GPR37L1: variants seen among roughly 807,000 people sequenced by gnomAD.
The protein encoded by GPR37L1 is G protein-coupled receptor 37-like 1.
Under a neutral mutation model 18.0 loss-of-function variants are expected in GPR37L1, and 18 were observed. That is an observed-to-expected ratio of 1.00 (90% confidence interval 0.69 to 1.49). The LOEUF is 1.49. Among genes scored for constraint, GPR37L1 ranks in the 40% most tolerant of loss-of-function variants. The pLI is 0.00. For missense variants in GPR37L1, 558 were observed against 615.1 expected (o/e 0.91, Z 0.98); for synonymous variants, 256 against 273.9 (o/e 0.93, Z 0.65).
chr1:202,127,954 A>C lies in GPR37L1; in HGVS notation c.844A>C (p.Thr282Pro), dbSNP rs779249097. Reference protein sequence around the residue: ...LAQEPAPTMGTLDSCIMKPSA... With the variant: ...LAQEPAPTMGPLDSCIMKPSA... ...ACAGGAGCCTGCCCCCACCATGGGC[A>C]CCCTGGACTCATGCATCATGAAACC... Residue 282 changes from threonine to proline, a missense_variant, in exon 2 of 2, where the codon ACC becomes CCC. Thr to Pro is a conservative substitution (Grantham distance 38). Transcript: ENST00000367282. 2.5e-6 allele frequency: 4 copies of C among 1,613,910 alleles called. No individual in the cohort carries two copies. The highest frequency in any genetic ancestry group is 3.4e-6 in the Non-Finnish European group (4 of 1,179,926).
intron 1 of GPR37L1, among the ~76,000 whole-genome samples, chr1:202,127,421 C>CGGAGGATGG (rs2147805782): frequency 6.6e-6 from 1 of 152,096 alleles, no homozygotes; most frequent in South Asian, 2.1e-4. Flanking sequence ...CTCAAGCCAT[C>CGGAGGATGG]CTCCTACCTA....
At position 202,132,412 on chromosome 1, in the gene GPR37L1, G is replaced by A. The variant is rs1420192026; in HGVS notation, c.*3856G>A. The A allele has an allele frequency of 6.6e-6, 1 of 152,300 alleles. No individual in the cohort carries two copies. The highest frequency in any genetic ancestry group is 1.9e-4 in the East Asian group (1 of 5,196). The allele number at this position is 152,300 out of a possible 1,614,324, so 9.4% of individuals were successfully genotyped here. A position where few individuals can be genotyped will look rare whatever the true frequency, so the allele number is the denominator to read the frequency against. On this transcript the variant is annotated 3_prime_UTR_variant, in exon 2 of 2. Coordinates refer to ENST00000367282, the MANE Select transcript of GPR37L1 (RefSeq NM_004767.5). ...CATTCTTTCCTCCAACTCTCTGGCA[G>A]TGGGGAACTGCCTCTCCAGGCAGGG...
intron 1 of GPR37L1, among the ~76,000 whole-genome samples, chr1:202,124,708 C>T (rs1306506657): frequency 2.6e-5 from 4 of 152,164 alleles, no homozygotes; most frequent in African/African-American, 9.7e-5. Flanking sequence ...ATCAGCATTA[C>T]GGACACAGGT....
chr1:202,123,263 G>A lies in GPR37L1; in HGVS notation c.300G>A (p.Gln100=), dbSNP rs753878129. The A allele has an allele frequency of 1.2e-6, 2 of 1,613,968 alleles. No homozygotes were observed. The highest frequency in any genetic ancestry group is 1.7e-6 in the Non-Finnish European group (2 of 1,179,942). The change falls in exon 1 of 2, where the codon CAG becomes CAA. Residue 100 remains glutamine, a synonymous_variant. Coordinates refer to ENST00000367282, the MANE Select transcript of GPR37L1 (RefSeq NM_004767.5). The stretch of plus-strand genomic sequence containing the variant: ...ATGGGGGCACCCCAGACAGTGGGCA[G>A]GAACTGAGGGGCAATCTGACAGGAG... ...GKDGGTPDSG[Q]ELRGNLTGAP...
intron 1 of GPR37L1, among the ~76,000 whole-genome samples, chr1:202,123,855 C>T (rs1197189619): frequency 2.6e-5 from 4 of 152,148 alleles, no homozygotes; most frequent in Non-Finnish European, 5.9e-5. Context: ...TCTTCTGCTT[C>T]GGGAGCAACC....
intron 1 of GPR37L1, among the ~76,000 whole-genome samples, 174 bp from the exon 2 acceptor site, chr1:202,127,567 C>T (rs577279175): frequency 2.6e-5 from 4 of 152,260 alleles, no homozygotes; most frequent in East Asian, 1.9e-4. Context: ...CTGCCTGCCT[C>T]GGCCTCTCAA....
At chr1:202,125,294 C>T (rs1013778338) in intron 1 of GPR37L1, among the ~76,000 whole-genome samples, 5 of 151,746 alleles carry the variant, frequency 3.3e-5, no homozygotes, top group African/African-American at 1.2e-4. Flanking sequence ...AGATTAGAAA[C>T]TGGGCTTTTC....
Position 202,128,561 on chromosome 1 carries a change from C to A in GPR37L1, c.*5C>A. ...CCCCTGGGCACACCTTGCTGAGGCC[C>A]CAGTAGGGGTGGGGAGGGAGGGAGA... On this transcript the variant is annotated 3_prime_UTR_variant, in exon 2 of 2. Transcript: ENST00000367282. The A allele has an allele frequency of 6.6e-7, 1 of 1,520,154 alleles. No individual in the cohort carries two copies. The highest frequency in any genetic ancestry group is 8.9e-7 in the Non-Finnish European group (1 of 1,122,290). The allele number at this position is 1,520,154 out of a possible 1,614,324, so 94.2% of individuals were successfully genotyped here.
chr1:202,124,559 C>T (rs1252600384), intron 1 of GPR37L1, among the ~76,000 whole-genome samples: 2 of 152,332 alleles, frequency 1.3e-5, no homozygotes, highest in East Asian at 3.9e-4. Context: ...CTCTGTAAGA[C>T]AAAATAAGCA....
At chr1:202,126,405 GA>G (rs768904643) in intron 1 of GPR37L1, among the ~76,000 whole-genome samples, 198 of 144,460 alleles carry the variant, frequency 1.4e-3, no homozygotes, top group South Asian at 3.9e-3. Flanking sequence ...GAGACTCTCG[GA>G]AAAAAAAAAA....
chr1:202,130,035 GC>G lies in GPR37L1; in HGVS notation c.*1484del. On this transcript the variant is annotated 3_prime_UTR_variant, in exon 2 of 2. Coordinates refer to ENST00000367282, the MANE Select transcript of GPR37L1 (RefSeq NM_004767.5). ...CACCCTTCCCGCCAGAGCTCCCACT[GC>G]CCCCGGCAGACCCTTCATGCAGCTT... 1 of 150,720 alleles carries G rather than the reference GC, an allele frequency of 6.6e-6. No homozygotes were observed. The highest frequency in any genetic ancestry group is 1.5e-5 in the Non-Finnish European group (1 of 67,968). The allele number at this position is 150,720 out of a possible 1,614,324, so 9.3% of individuals were successfully genotyped here. A position where few individuals can be genotyped will look rare whatever the true frequency, so the allele number is the denominator to read the frequency against.
rs1217734000 is a variant in GPR37L1 at position 202,123,278 on chromosome 1, T to A, written c.315T>A (p.Asn105Lys). Residue 105 changes from asparagine (N) to lysine (K), a missense_variant, in exon 1 of 2, where the codon AAT becomes AAA. Transcript: ENST00000367282. ...ACAGTGGGCAGGAACTGAGGGGCAA[T>A]CTGACAGGAGCACCAGGGCAGAGGC... ...TPDSGQELRG[N>K]LTGAPGQRLQ... The A allele has an allele frequency of 6.2e-7, 1 of 1,614,008 alleles. No homozygotes were observed. The highest frequency in any genetic ancestry group is 8.5e-7 in the Non-Finnish European group (1 of 1,179,932).
chr1:202,123,907 C>T (rs1654580620), intron 1 of GPR37L1, among the ~76,000 whole-genome samples: 1 of 152,098 alleles, frequency 6.6e-6, no homozygotes, highest in African/African-American at 2.4e-5. Context: ...CCTAAGCTGC[C>T]CTCTCCCTTC....
Position 202,128,161 on chromosome 1 carries a change from G to C in GPR37L1, c.1051G>C (p.Glu351Gln), listed in dbSNP as rs553415739. 24 of 1,613,882 alleles carry C rather than the reference G, an allele frequency of 1.5e-5. No homozygotes were observed. Among genetic ancestry groups the C allele is most frequent in the Non-Finnish European group, 2.0e-5 (24 of 1,180,036 alleles). The change falls in exon 2 of 2, where the codon GAG becomes CAG. Residue 351 changes from glutamate (E) to glutamine (Q), a missense_variant. Glu to Gln is a conservative substitution (Grantham distance 29). Coordinates refer to ENST00000367282, the MANE Select transcript of GPR37L1 (RefSeq NM_004767.5). ...RKSECRASKH[E>Q]QCESQLNSTV... ...GTCAGAGTGCAGGGCCAGCAAGCACGAGCAGTGTGAGAGCCAGCTCAACAG... is the reference window on the plus strand; with the variant it reads ...GTCAGAGTGCAGGGCCAGCAAGCACCAGCAGTGTGAGAGCCAGCTCAACAG...
intron 1 of GPR37L1, among the ~76,000 whole-genome samples, chr1:202,126,430 G>A (rs115391087): frequency 0.019 from 2,955 of 152,004 alleles, 38 homozygotes; most frequent in Non-Finnish European, 0.03. Context: ...AGAGAGAATG[G>A]CGTTTCTACC....
Position 202,127,522 on chromosome 1 carries a change from C to T in GPR37L1, c.631-219C>T, listed in dbSNP as rs540543200. On this transcript the variant is annotated intron_variant, in intron 1 of 1. Coordinates refer to ENST00000367282, the MANE Select transcript of GPR37L1 (RefSeq NM_004767.5). ...GTAGAGACAGGGTTCCATCATGTTG[C>T]CCAGGCTGGCCTTGAACTCCTGGGC... Among the ~76,000 whole-genome samples the T allele has an allele frequency of 1.2e-4, 19 of 152,190 alleles. No homozygotes were observed. The South Asian group carries it at 3.9e-3, about 32-fold the overall frequency.
chr1:202,127,712 TTC>T, intron 1 of GPR37L1, 27 bp from the exon 2 acceptor site: 1 of 1,481,032 alleles, frequency 6.8e-7, no homozygotes, highest in Non-Finnish European at 9.1e-7. Context: ...GACCAAGTGC[TTC>T]TCTCTTCCCT....
rs993731193 is a variant in GPR37L1 at position 202,127,761 on chromosome 1, G to A, written c.651G>A (p.Thr217=). The A allele has an allele frequency of 1.7e-5, 27 of 1,579,552 alleles. 1 individual carries two copies. Among genetic ancestry groups the A allele is most frequent in the South Asian group, 3.5e-5 (3 of 85,514 alleles). The change falls in exon 2 of 2, where the codon ACG becomes ACA. Residue 217 remains threonine (T), a synonymous_variant. Coordinates refer to ENST00000367282, the MANE Select transcript of GPR37L1 (RefSeq NM_004767.5). ...PFMEVSSLGV[T]TFSLCALGID... The stretch of plus-strand genomic sequence containing the variant: ...CACAGGTCTCCTCTCTGGGAGTCAC[G>A]ACTTTCAGCCTCTGTGCCCTGGGCA...
At chr1:202,124,030 C>G (rs1181433456) in intron 1 of GPR37L1, among the ~76,000 whole-genome samples, 1 of 152,180 alleles carries the variant, frequency 6.6e-6, no homozygotes, top group Non-Finnish European at 1.5e-5. Context: ...CTTCGCTGCT[C>G]CTCCGTCTCC....
Sources: gnomAD v4.1 joint callset for allele counts (sites outside exome capture counted in the v4.1 genomes callset) on GRCh38, gnomAD v4.1.1 for gene constraint, MANE v1.5 for transcripts, NCBI Gene and HGNC (gene_info 2026-07-23, HGNC 2026-07-21) for gene names.